Variants in RORB observed in about 807,000 individuals in gnomAD.
RORB encodes the protein nuclear receptor ROR-beta.
A neutral mutation model predicts 59.1 loss-of-function variants in RORB; 6 were observed. The observed-to-expected ratio is 0.10, with a 90% CI of 0.06 to 0.20. The LOEUF is 0.20. Ranked by LOEUF, RORB falls within the 10% of genes least tolerant of loss-of-function variation. The probability of loss-of-function intolerance (pLI) is 1.00; values close to 1 mark genes in which losing one functional copy is unlikely to be tolerated. For synonymous variants in RORB, 215 were observed against 204.5 expected (o/e 1.05, Z -0.44); for missense variants, 320 against 560.5 (o/e 0.57, Z 4.33).
intron 4 of RORB, among the ~76,000 whole-genome samples, chr9:74,643,676 C>A (rs142374495): frequency 1.3e-5 from 2 of 152,312 alleles, no homozygotes; most frequent in East Asian, 3.9e-4. Flanking sequence ...GCTAGAAGAG[C>A]TAAGCAAACA....
chr9:74,683,471 G>C (rs578063567), intron 9 of RORB, among the ~76,000 whole-genome samples: 1 of 152,228 alleles, frequency 6.6e-6, no homozygotes, highest in East Asian at 1.9e-4. Flanking sequence ...CCCTCTCAGA[G>C]AACATAACGT....
chr9:74,516,411 C>T (rs531564999), intron 1 of RORB, among the ~76,000 whole-genome samples: 15 of 151,916 alleles, frequency 9.9e-5, no homozygotes, highest in South Asian at 2.1e-4. Context: ...GTACAATAGG[C>T]CTCCAAGAGA....
intron 1 of RORB, among the ~76,000 whole-genome samples, chr9:74,568,328 TAGAG>T (rs758160777): frequency 2.0e-5 from 3 of 151,980 alleles, no homozygotes; most frequent in African/African-American, 4.8e-5. Flanking sequence ...ATATAAGGGA[TAGAG>T]AGAGGTCACC....
At chr9:74,530,321 C>T (rs1028181112) in intron 1 of RORB, among the ~76,000 whole-genome samples, 1 of 151,944 alleles carries the variant, frequency 6.6e-6, no homozygotes. Flanking sequence ...GAATTTGAAG[C>T]CAAATACATC....
At chr9:74,664,865 C>T (rs942926867) in intron 6 of RORB, among the ~76,000 whole-genome samples, 3 of 152,222 alleles carry the variant, frequency 2.0e-5, no homozygotes. Flanking sequence ...TTCTCCAAAA[C>T]ATGGGAAGCT....
chr9:74,633,869 T>A (rs540148721), intron 2 of RORB, among the ~76,000 whole-genome samples: 9 of 152,046 alleles, frequency 5.9e-5, no homozygotes, highest in Non-Finnish European at 1.0e-4. Flanking sequence ...AGCTTATATA[T>A]AATATTTTCT....
chr9:74,593,271 A>G (rs1822926098), intron 1 of RORB, among the ~76,000 whole-genome samples: 1 of 152,086 alleles, frequency 6.6e-6, no homozygotes, highest in East Asian at 1.9e-4. Flanking sequence ...GTTCGAGACC[A>G]TCCTGACCAA....
chr9:74,685,709 A>G lies in RORB; in HGVS notation c.*91A>G. 3 of 962,552 alleles carry G rather than the reference A, an allele frequency of 3.1e-6. No individual in the cohort carries two copies. The highest frequency in any genetic ancestry group is 4.5e-6 in the Non-Finnish European group (3 of 673,108). 59.6% of individuals were successfully genotyped at this position (962,552 alleles called of 1,614,324 possible). A position where few individuals can be genotyped will look rare whatever the true frequency, so the allele number is the denominator to read the frequency against. On this transcript the variant is annotated 3_prime_UTR_variant, in exon 10 of 10. Transcript: ENST00000376896. ...ATGAAGACTTAAGAAAAATGTCACT[A>G]CTGCAACATTAGGAATGTCCTGCAC... is the stretch of plus-strand genomic sequence containing the variant.
At chr9:74,669,026 C>T (rs895723769) in intron 8 of RORB, among the ~76,000 whole-genome samples, 2 of 152,112 alleles carry the variant, frequency 1.3e-5, no homozygotes, top group Admixed American at 6.5e-5. Context: ...CCCCTCAGAG[C>T]CCTAGTTTCC....
At chr9:74,587,053 T>C (rs965838066) in intron 1 of RORB, among the ~76,000 whole-genome samples, 1 of 152,184 alleles carries the variant, frequency 6.6e-6, no homozygotes, top group African/African-American at 2.4e-5. Context: ...ACTTTCTCCA[T>C]CAACAAATTA....
At chr9:74,641,966 T>C (rs1345759949) in intron 3 of RORB, among the ~76,000 whole-genome samples, 1 of 151,912 alleles carries the variant, frequency 6.6e-6, no homozygotes, top group Non-Finnish European at 1.5e-5. Flanking sequence ...GAAAATAGAT[T>C]TGAAAGTGAA....
At chr9:74,611,037 C>T (rs1823224873) in intron 1 of RORB, among the ~76,000 whole-genome samples, 1 of 152,170 alleles carries the variant, frequency 6.6e-6, no homozygotes, top group Non-Finnish European at 1.5e-5. Flanking sequence ...CCCCCTGAAT[C>T]TTGGCAGCTG....
chr9:74,561,199 C>T (rs925038875), intron 1 of RORB, among the ~76,000 whole-genome samples: 1 of 151,982 alleles, frequency 6.6e-6, no homozygotes, highest in Non-Finnish European at 1.5e-5. Flanking sequence ...AGTCTCTCCC[C>T]GAGATGTGAG....
At position 74,583,264 on chromosome 9, in the gene RORB, C is replaced by G. The variant is rs181080246; in HGVS notation, c.8-47018C>G. 1.6e-3 allele frequency among the ~76,000 whole-genome samples: 248 copies of G among 152,170 alleles called. 2 individuals carry two copies. The highest frequency in any genetic ancestry group is 5.2e-3 in the African/African-American group (218 of 41,524). ...CAGCAGCTAGACTAAAGAAGAACTG[C>G]CACGTACCCAGGCAGACAATTCCCA... is the stretch of plus-strand genomic sequence containing the variant. On this transcript the variant is annotated intron_variant, in intron 1 of 9. Transcript: ENST00000376896.
chr9:74,549,090 C>A (rs4745340), intron 1 of RORB, among the ~76,000 whole-genome samples: 87,903 of 152,038 alleles, frequency 0.58, 26,224 homozygotes, highest in African/African-American at 0.71. Flanking sequence ...TTGAAATATG[C>A]GTACTGCTCA....
intron 1 of RORB, among the ~76,000 whole-genome samples, chr9:74,519,711 G>T (rs916861057): frequency 6.6e-6 from 1 of 151,922 alleles, no homozygotes; most frequent in Non-Finnish European, 1.5e-5. Context: ...CCGAAGCTCG[G>T]GTTCATTGGT....
intron 9 of RORB, among the ~76,000 whole-genome samples, chr9:74,678,518 G>T (rs537726679): frequency 1.3e-5 from 2 of 152,144 alleles, no homozygotes; most frequent in East Asian, 1.9e-4. Context: ...AAGATAGAAG[G>T]CTTAAACAAC....
intron 1 of RORB, among the ~76,000 whole-genome samples, chr9:74,611,266 A>G (rs562742544): frequency 6.6e-6 from 1 of 152,330 alleles, no homozygotes; most frequent in East Asian, 1.9e-4. Context: ...GGACAGAAAC[A>G]GACCTAAACC....
intron 1 of RORB, among the ~76,000 whole-genome samples, chr9:74,562,955 T>C (rs1359072): frequency 0.96 from 145,383 of 152,032 alleles, 69,861 homozygotes; most frequent in East Asian, 1. Context: ...TTTTACTTCT[T>C]CAAATACTTC....
Sources: gnomAD v4.1 joint callset for allele counts (sites outside exome capture counted in the v4.1 genomes callset) on GRCh38, gnomAD v4.1.1 for gene constraint, MANE v1.5 for transcripts, NCBI Gene and HGNC (gene_info 2026-07-23, HGNC 2026-07-21) for gene names.